Variants in SENP1 observed in about 807,000 individuals in gnomAD.
SENP1 encodes sentrin-specific protease 1.
In SENP1, 21 loss-of-function variants were observed where a neutral mutation model predicts 93.0. The observed-to-expected ratio is 0.23, with a 90% CI of 0.16 to 0.33. The LOEUF is 0.33. Among genes scored for constraint, SENP1 ranks in the 10% least tolerant of loss-of-function variants. SENP1 has a pLI of 1.00. For missense variants in SENP1, 591 were observed against 758.7 expected, an observed-to-expected ratio of 0.78 and a Z score of 2.60; for synonymous variants, 256 against 259.6, an observed-to-expected ratio of 0.99 and a Z score of 0.13.
intron 5 of SENP1, chr12:48,088,568 C>T: frequency 2.1e-6 from 1 of 486,826 alleles, no homozygotes; most frequent in African/African-American, 2.0e-5. Context: ...TTCTCATATC[C>T]ACCAAGATTT....
At chr12:48,101,661 A>G in intron 1 of SENP1, 145 bp from the exon 2 acceptor site, 1 of 552,232 alleles carries the variant, frequency 1.8e-6, no homozygotes, top group Non-Finnish European at 3.1e-6. Context: ...ACTTGATGGG[A>G]AAAGAGTAAA....
intron 5 of SENP1, 91 bp downstream of exon 5, chr12:48,088,710 T>C: frequency 8.0e-7 from 1 of 1,257,172 alleles, no homozygotes; most frequent in Non-Finnish European, 1.1e-6. Context: ...TGTTACTCTT[T>C]TAAAATCCCA....
intron 13 of SENP1, among the ~76,000 whole-genome samples, chr12:48,059,279 CT>C (rs923320797): frequency 6.6e-6 from 1 of 152,122 alleles, no homozygotes; most frequent in African/African-American, 2.4e-5. Flanking sequence ...CACTGATGCT[CT>C]TGATATCTTT....
intron 1 of SENP1, 83 bp from the exon 2 acceptor site, chr12:48,101,599 T>C (rs1945938573): frequency 7.0e-6 from 5 of 713,862 alleles, no homozygotes; most frequent in Non-Finnish European, 1.2e-5. Context: ...CCACTAGAAG[T>C]GACATTTGTT....
intron 4 of SENP1, among the ~76,000 whole-genome samples, chr12:48,092,704 T>A (rs1945292407): frequency 6.6e-6 from 1 of 152,196 alleles, no homozygotes; most frequent in Non-Finnish European, 1.5e-5. Context: ...AAAAAAAAGG[T>A]ACTCAAGTGA....
chr12:48,100,852 T>C (rs1945878435), intron 2 of SENP1, among the ~76,000 whole-genome samples: 1 of 152,206 alleles, frequency 6.6e-6, no homozygotes, highest in Non-Finnish European at 1.5e-5. Context: ...GTTATAAGGA[T>C]TAAATGAACC....
chr12:48,065,193 G>A lies in SENP1; in HGVS notation c.1147C>T (p.His383Tyr). 6.2e-7 allele frequency: 1 copy of A among 1,607,596 alleles called. No individual in the cohort carries two copies. Among genetic ancestry groups the A allele is most frequent in the Non-Finnish European group, 8.5e-7 (1 of 1,175,990 alleles). Residue 383 changes from histidine to tyrosine, a missense_variant, in exon 12 of 18, where the codon CAT (histidine) becomes TAT (tyrosine). Transcript: ENST00000549518. ...CGAAGATGTAGTTCTACTGAATCAT[G>A]TACTGAATGTTCCCGCTCCTGCAAT... ...QRLQEREHSV[H>Y]DSVELHLRVP...
rs1340619152 is a variant in SENP1 at position 48,083,738 on chromosome 12, T to C, written c.405A>G (p.Gly135=). 12 of 1,610,860 alleles carry C rather than the reference T, an allele frequency of 7.4e-6. No homozygotes were observed. Among genetic ancestry groups the C allele is most frequent in the Non-Finnish European group, 8.5e-6 (10 of 1,178,932 alleles). ...TSSGLSNSFA[G]KSNHHCHVSA... ...ATACATGGCAGTGATGGTTTGACTT[T>C]CCCGCAAAACTGTTTGATAATCCAC... is the stretch of plus-strand genomic sequence containing the variant. The change falls in exon 6 of 18, where the codon GGA becomes GGG. Residue 135 remains glycine, a synonymous_variant. Coordinates refer to ENST00000549518, the MANE Select transcript of SENP1 (RefSeq NM_001267594.2).
intron 2 of SENP1, among the ~76,000 whole-genome samples, chr12:48,101,110 AC>A (rs944461220): frequency 2.0e-4 from 30 of 152,126 alleles, no homozygotes; most frequent in Admixed American, 7.2e-4. Context: ...ACATGGCGAA[AC>A]CCCGTCTCTA....
At chr12:48,052,610 T>C (rs747817820) in intron 13 of SENP1, among the ~76,000 whole-genome samples, 1 of 152,192 alleles carries the variant, frequency 6.6e-6, no homozygotes, top group African/African-American at 2.4e-5. Context: ...AGTAATATTA[T>C]AGAAACCAGG....
Position 48,092,702 on chromosome 12 carries a change from G to A in SENP1, c.220+3641C>T, listed in dbSNP as rs575635216. Among the ~76,000 whole-genome samples, 7 of 152,214 alleles carry A rather than the reference G, an allele frequency of 4.6e-5. No homozygotes were observed. The South Asian group carries it at 1.2e-3, about 27-fold the overall frequency. On this transcript the variant is annotated intron_variant, in intron 4 of 17. Transcript: ENST00000549518. ...TAATTATTTTCTTCTCCAAAAAAAAGGTACTCAAGTGAGAGATGAAGCTTT... is the reference window on the plus strand; with the variant it reads ...TAATTATTTTCTTCTCCAAAAAAAAAGTACTCAAGTGAGAGATGAAGCTTT...
At chr12:48,052,411 G>GAGC (rs1941887029) in intron 13 of SENP1, among the ~76,000 whole-genome samples, 1 of 152,162 alleles carries the variant, frequency 6.6e-6, no homozygotes, top group African/African-American at 2.4e-5. Flanking sequence ...CAATACTTCT[G>GAGC]AGCAGAGATC....
chr12:48,104,229 AT>A (rs1157245223), intron 1 of SENP1, among the ~76,000 whole-genome samples: 3 of 36,606 alleles, frequency 8.2e-5, no homozygotes, highest in African/African-American at 5.0e-4. Flanking sequence ...AGAAAAAAAT[AT>A]ATATAGAGAG....
chr12:48,081,390 G>A (rs1006548184), intron 6 of SENP1: 1 of 151,878 alleles, frequency 6.6e-6, no homozygotes. Flanking sequence ...CCTGTACAAC[G>A]ATGACATGAA....
intron 13 of SENP1, among the ~76,000 whole-genome samples, chr12:48,052,653 C>A (rs1941905468): frequency 1.3e-5 from 2 of 152,108 alleles, no homozygotes; most frequent in African/African-American, 4.8e-5. Flanking sequence ...AACATGCACA[C>A]AGAATTTTTC....
chr12:48,079,085 G>C (rs139176084), intron 6 of SENP1, among the ~76,000 whole-genome samples: 91 of 152,250 alleles, frequency 6.0e-4, no homozygotes, highest in African/African-American at 2.2e-3. Context: ...AGGAAGTTGA[G>C]GCGGCAGTGA....
chr12:48,050,233 G>A (rs555257757), intron 13 of SENP1, among the ~76,000 whole-genome samples: 8 of 152,198 alleles, frequency 5.3e-5, no homozygotes, highest in Non-Finnish European at 1.0e-4. Flanking sequence ...TTTGGGGAAT[G>A]GGAAAATGCC....
intron 6 of SENP1, chr12:48,081,394 A>T (rs563672534): frequency 6.5e-4 from 99 of 152,188 alleles, no homozygotes; most frequent in African/African-American, 2.1e-3. Flanking sequence ...TACAACGATG[A>T]CATGAAAATT....
intron 9 of SENP1, 80 bp from the exon 10 acceptor site, chr12:48,067,045 A>G (rs1943356406): frequency 4.2e-6 from 4 of 943,526 alleles, no homozygotes; most frequent in Non-Finnish European, 6.6e-6. Context: ...AATAAAAACA[A>G]TCATTTAAAT....
Sources: allele counts gnomAD v4.1 joint callset (sites outside exome capture counted in the v4.1 genomes callset), GRCh38; gene constraint gnomAD v4.1.1; transcripts MANE v1.5; gene names NCBI Gene and HGNC (gene_info 2026-07-23, HGNC 2026-07-21).